GABRA3: variants seen among roughly 807,000 people sequenced by gnomAD.
GABRA3 encodes gamma-aminobutyric acid type A receptor subunit alpha3.
Under a neutral mutation model 30.1 loss-of-function variants are expected in GABRA3, and 10 were observed. The observed-to-expected ratio is 0.33, with a 90% CI of 0.20 to 0.56. GABRA3 has a LOEUF of 0.56. GABRA3 is among the 20% of genes least tolerant of loss of function. The pLI, the probability that GABRA3 is intolerant of heterozygous loss-of-function variation, is 0.89. For missense variants in GABRA3, 233 were observed against 392.0 expected (o/e 0.59, Z 3.42); for synonymous variants, 151 against 146.8 (o/e 1.03, Z -0.21).
intron 5 of GABRA3, among the ~76,000 whole-genome samples, chrX:152,234,243 T>A (rs886384618): frequency 4.5e-5 from 5 of 110,419 alleles, no homozygotes; most frequent in Admixed American, 1.9e-4. Context: ...TCAAAAAAAA[T>A]AAATAAAATA....
At chrX:152,329,434 C>T (rs942998367) in intron 3 of GABRA3, among the ~76,000 whole-genome samples, 27 of 111,406 alleles carry the variant, frequency 2.4e-4, no homozygotes, top group Admixed American at 3.8e-4. Context: ...TCATGCTACC[C>T]GACTTCAAAT....
In GABRA3 at chrX:152,205,382, T is replaced by C. The variant is rs1389683820; in HGVS notation, c.778+2619A>G. Among the ~76,000 whole-genome samples, 7 of 111,987 alleles carry C rather than the reference T, an allele frequency of 6.3e-5. No homozygotes were observed. In the East Asian group the frequency reaches 1.7e-3, roughly 27 times the overall value. ...ATATCCTGTCTGTATCTTAGGCGGA[T>C]ACTTAAACAGGAGCAAAATGCTATA... On this transcript the variant is annotated intron_variant, in intron 7 of 9. Coordinates refer to ENST00000370314, the MANE Select transcript of GABRA3 (RefSeq NM_000808.4).
chrX:152,430,143 T>C (rs1485006840), intron 1 of GABRA3, among the ~76,000 whole-genome samples: 1 of 111,657 alleles, frequency 9.0e-6, no homozygotes, highest in South Asian at 3.7e-4. Context: ...ACATAGAATA[T>C]AGTGATGACA....
At chrX:152,207,473 G>A (rs1479083614) in intron 7 of GABRA3, among the ~76,000 whole-genome samples, 2 of 111,584 alleles carry the variant, frequency 1.8e-5, no homozygotes, top group East Asian at 5.6e-4. Flanking sequence ...GTTAGCCATT[G>A]ATAAAACCTA....
intron 5 of GABRA3, among the ~76,000 whole-genome samples, chrX:152,227,907 C>T (rs948342315): frequency 9.0e-6 from 1 of 111,291 alleles, no homozygotes; most frequent in African/African-American, 3.3e-5. Flanking sequence ...CTCAGGTCCT[C>T]AGTAATCTTT....
chrX:152,214,694 T>C (rs1296928444), intron 6 of GABRA3, among the ~76,000 whole-genome samples: 3 of 111,413 alleles, frequency 2.7e-5, no homozygotes, highest in Non-Finnish European at 1.9e-5. Flanking sequence ...ATATCAGTTC[T>C]TCCAGTCCAT....
intron 5 of GABRA3, among the ~76,000 whole-genome samples, chrX:152,235,966 T>A (rs1603220302): frequency 9.2e-6 from 1 of 108,527 alleles, no homozygotes; most frequent in Non-Finnish European, 1.9e-5. Context: ...TCTTTTTTTT[T>A]TTTTTTTAGG....
chrX:152,449,015 C>T (rs768138136), intron 1 of GABRA3, among the ~76,000 whole-genome samples: 1 of 111,397 alleles, frequency 9.0e-6, no homozygotes, highest in Non-Finnish European at 1.9e-5. Context: ...GGCTATTAGG[C>T]CATATTAAGA....
At chrX:152,416,417 G>T (rs1365147007) in intron 1 of GABRA3, among the ~76,000 whole-genome samples, 4 of 105,219 alleles carry the variant, frequency 3.8e-5, no homozygotes, top group African/African-American at 1.4e-4. Context: ...TGGGTAGGAA[G>T]AATCAATATC....
At chrX:152,438,071 G>A (rs890097856) in intron 1 of GABRA3, among the ~76,000 whole-genome samples, 2 of 111,761 alleles carry the variant, frequency 1.8e-5, no homozygotes, top group Non-Finnish European at 3.8e-5. Flanking sequence ...CATATATCTA[G>A]TACAGAACTT....
intron 1 of GABRA3, among the ~76,000 whole-genome samples, chrX:152,420,043 T>C (rs1930335051): frequency 8.9e-6 from 1 of 111,814 alleles, no homozygotes; most frequent in African/African-American, 3.2e-5. Context: ...ACTCAATAGA[T>C]GTAGAAAAAA....
chrX:152,361,505 G>A (rs1298111714), intron 2 of GABRA3, among the ~76,000 whole-genome samples: 5 of 106,135 alleles, frequency 4.7e-5, no homozygotes, highest in African/African-American at 1.7e-4. Context: ...CCCAGGACAC[G>A]GAAGTTGCAG....
At chrX:152,168,967 G>C (rs1936970496) in intron 9 of GABRA3, among the ~76,000 whole-genome samples, 1 of 112,183 alleles carries the variant, frequency 8.9e-6, no homozygotes, top group African/African-American at 3.2e-5. Flanking sequence ...TCGATCCTCA[G>C]AGCAACCCCT....
intron 2 of GABRA3, among the ~76,000 whole-genome samples, chrX:152,357,735 C>G (rs867046884): frequency 2.7e-5 from 3 of 111,471 alleles, no homozygotes; most frequent in Middle Eastern, 9.3e-3. Flanking sequence ...GATTATCTTC[C>G]AGGGTTTTTG....
rs917326749 is a variant in GABRA3 at position 152,348,821 on chromosome X, T to A, written c.141-3119A>T. ...TAAAAATACTTTATTGCTAAAAAAA[T>A]GCTAAGAATCATCTGACGCTTCAAC... On this transcript the variant is annotated intron_variant, in intron 2 of 9. Transcript: ENST00000370314. 3.6e-5 allele frequency among the ~76,000 whole-genome samples: 4 copies of A among 112,387 alleles called. No homozygotes were observed. In the East Asian group the frequency reaches 1.1e-3, roughly 32 times the overall value.
chrX:152,352,369 T>C (rs1388365284), intron 2 of GABRA3, among the ~76,000 whole-genome samples: 3 of 111,973 alleles, frequency 2.7e-5, no homozygotes, highest in South Asian at 3.7e-4. Flanking sequence ...TAAATGAAGG[T>C]TGTTCATTAA....
At chrX:152,404,158 A>G (rs189362806) in intron 1 of GABRA3, among the ~76,000 whole-genome samples, 3 of 111,578 alleles carry the variant, frequency 2.7e-5, no homozygotes, top group Non-Finnish European at 5.6e-5. Flanking sequence ...TTTAAAAAAG[A>G]TAACAGAGGA....
chrX:152,173,424 A>G (rs1937029488), intron 9 of GABRA3, among the ~76,000 whole-genome samples: 1 of 111,026 alleles, frequency 9.0e-6, no homozygotes, highest in African/African-American at 3.3e-5. Context: ...ATAAATAGCA[A>G]AGATTTAAAC....
intron 1 of GABRA3, among the ~76,000 whole-genome samples, chrX:152,444,942 T>C (rs1265164311): frequency 3.3e-5 from 3 of 90,934 alleles, no homozygotes; most frequent in African/African-American, 1.2e-4. Context: ...GCGCCTGTAG[T>C]CCCAGCTACT....
Sources: allele counts gnomAD v4.1 joint callset (sites outside exome capture counted in the v4.1 genomes callset), GRCh38; gene constraint gnomAD v4.1.1; transcripts MANE v1.5; gene names NCBI Gene and HGNC (gene_info 2026-07-23, HGNC 2026-07-21).